PRMT8: variants seen among roughly 807,000 people sequenced by gnomAD.
PRMT8 encodes the protein protein arginine N-methyltransferase 8.
In PRMT8, 7 loss-of-function variants were observed where a neutral mutation model predicts 47.1. That is an observed-to-expected ratio of 0.15 (90% CI 0.08 to 0.28). The LOEUF (loss-of-function observed/expected upper bound fraction) is 0.28, where lower values mean the gene tolerates loss of function less well. Among genes scored for constraint, PRMT8 ranks in the 10% least tolerant of loss-of-function variants. The pLI is 1.00. For synonymous variants in PRMT8, 188 were observed against 186.5 expected, an observed-to-expected ratio of 1.01 and a Z score of -0.07; for missense variants, 237 against 505.4, an observed-to-expected ratio of 0.47 and a Z score of 5.09.
intron 1 of PRMT8, chr12:3,463,704 C>T (rs1865062309): frequency 6.6e-6 from 1 of 152,256 alleles, no homozygotes; most frequent in South Asian, 2.1e-4. Flanking sequence ...AGCAATCCTC[C>T]TGCCTCAGCT....
At position 3,403,270 on chromosome 12, in the gene PRMT8, G is replaced by A. The variant is rs530550111; in HGVS notation, c.48+21828G>A. On this transcript the variant is annotated intron_variant, in intron 1 of 9. Transcript: ENST00000452611. ...CTTATAAGTGGGAGCTGAATGATGA[G>A]AACACATGGACACATGAGGGGAACA... Among the ~76,000 whole-genome samples, 19 of 152,210 alleles carry A rather than the reference G, an allele frequency of 1.2e-4. No homozygotes were observed. The South Asian group carries it at 3.3e-3, about 27-fold the overall frequency.
intron 1 of PRMT8, among the ~76,000 whole-genome samples, chr12:3,457,166 G>A (rs912910970): frequency 2.6e-5 from 4 of 152,206 alleles, no homozygotes; most frequent in Non-Finnish European, 4.4e-5. Context: ...CTCTGTGAGG[G>A]CAGGCTTGGT....
At chr12:3,578,951 C>T (rs1335594687) in intron 7 of PRMT8, among the ~76,000 whole-genome samples, 1 of 152,156 alleles carries the variant, frequency 6.6e-6, no homozygotes, top group Non-Finnish European at 1.5e-5. Context: ...ACTCTCCATT[C>T]ACAGGGTTCT....
rs3832860 is a variant in PRMT8, at chr12:3,592,208, TCCC to T, written c.980-21_980-19del. On this transcript the variant is annotated intron_variant, in intron 8 of 9. Transcript: ENST00000382622. ...TCGTCTCTGACTCTTTCTTCCCACC[TCCC>T]CTGTTCTCTCACCCCTCAGCCCCTG... 6.5e-7 allele frequency: 1 copy of T among 1,541,932 alleles called. No individual in the cohort carries two copies. Among genetic ancestry groups the T allele is most frequent in the East Asian group, 2.5e-5 (1 of 40,378 alleles).
At chr12:3,414,071 G>A (rs58651258) in intron 1 of PRMT8, among the ~76,000 whole-genome samples, 44,060 of 151,976 alleles carry the variant, frequency 0.29, 6,973 homozygotes, top group Non-Finnish European at 0.35. Flanking sequence ...TTGGAATATA[G>A]GTGAGTTACT....
At chr12:3,517,079 A>C (rs1865804681) in intron 1 of PRMT8, among the ~76,000 whole-genome samples, 1 of 152,212 alleles carries the variant, frequency 6.6e-6, no homozygotes, top group South Asian at 2.1e-4. Flanking sequence ...ATCAATAGGC[A>C]ACGTCCAGGA....
In PRMT8 at chr12:3,557,906, C is replaced by T. The variant is rs537096012; in HGVS notation, c.481+4192C>T. Among the ~76,000 whole-genome samples, 3 of 152,218 alleles carry T rather than the reference C, an allele frequency of 2.0e-5. No homozygotes were observed. The East Asian group carries it at 5.8e-4, about 29-fold the overall frequency. On this transcript the variant is annotated intron_variant, in intron 4 of 9. Coordinates refer to ENST00000382622, the MANE Select transcript of PRMT8 (RefSeq NM_019854.5). This position sits in a 1 kb window ranked among gnomAD's most constrained non-coding sequence, Gnocchi z 4.7. Reference sequence around the variant, plus strand: ...TGAGCCCTGAGAGGCTTCCAAACAGCACCTAGACCATTCCCCTCCCTCTGC... The same window carrying T: ...TGAGCCCTGAGAGGCTTCCAAACAGTACCTAGACCATTCCCCTCCCTCTGC...
chr12:3,540,797 G>C lies in PRMT8; in HGVS notation c.261+6G>C, dbSNP rs375359537. On this transcript the variant is annotated splice_donor_region_variant and intron_variant, in intron 2 of 9. Coordinates refer to ENST00000382622, the MANE Select transcript of PRMT8 (RefSeq NM_019854.5). Reference sequence around the variant, plus strand: ...CCCACTTTGGGATCCACGAGGTAAAGTGTCCCGAGTGGGTGGCTAATGGGG... The same window carrying C: ...CCCACTTTGGGATCCACGAGGTAAACTGTCCCGAGTGGGTGGCTAATGGGG... 41 of 1,612,290 alleles carry C rather than the reference G, an allele frequency of 2.5e-5. 1 individual carries two copies. The highest frequency in any genetic ancestry group is 2.5e-4 in the East Asian group (11 of 44,894).
intron 1 of PRMT8, among the ~76,000 whole-genome samples, chr12:3,445,201 T>G (rs1864845019): frequency 6.6e-6 from 1 of 152,214 alleles, no homozygotes. Flanking sequence ...TCGTCACTAT[T>G]TAAACAAAAC....
intron 1 of PRMT8, among the ~76,000 whole-genome samples, chr12:3,470,961 G>A (rs1438355995): frequency 1.3e-5 from 2 of 152,192 alleles, no homozygotes; most frequent in Non-Finnish European, 2.9e-5. Flanking sequence ...CTCTGACAGT[G>A]GGGCTTTCCT....
intron 1 of PRMT8, among the ~76,000 whole-genome samples, chr12:3,421,895 G>A (rs965571525): frequency 1.9e-4 from 29 of 152,240 alleles, no homozygotes. Flanking sequence ...TCTCTCTGCT[G>A]CTGCAGGGAA....
At position 3,535,403 on chromosome 12, in the gene PRMT8, G is replaced by C. The variant is rs1357302768; in HGVS notation, c.76-5203G>C. 6.6e-6 allele frequency among the ~76,000 whole-genome samples: 1 copy of C among 152,228 alleles called. No individual in the cohort carries two copies. The highest frequency in any genetic ancestry group is 1.5e-5 in the Non-Finnish European group (1 of 68,044). ...TTGGGGGAGTCCTGATCAGCCGCTG[G>C]CGTGGTGAGTCGAAGGCAAATCACA... On this transcript the variant is annotated intron_variant, in intron 1 of 9. Transcript: ENST00000382622. This position sits in a 1 kb window ranked among gnomAD's most constrained non-coding sequence, Gnocchi z 4.7.
chr12:3,546,016 T>C (rs76937102), intron 2 of PRMT8, among the ~76,000 whole-genome samples: 1,797 of 152,278 alleles, frequency 0.012, 42 homozygotes, highest in African/African-American at 0.041. Context: ...TCACAATGAA[T>C]TGAATTAGAA....
chr12:3,554,852 G>C (rs1257769469), intron 4 of PRMT8, among the ~76,000 whole-genome samples: 2 of 152,204 alleles, frequency 1.3e-5, no homozygotes, highest in African/African-American at 4.8e-5. Context: ...CCCTTGCCAT[G>C]CTCCCTGCTG....
At chr12:3,432,094 A>G (rs1329889373) in intron 1 of PRMT8, among the ~76,000 whole-genome samples, 2 of 152,180 alleles carry the variant, frequency 1.3e-5, no homozygotes, top group Non-Finnish European at 2.9e-5. Context: ...GAGACGTGGG[A>G]TCCCTTCTCA....
intron 1 of PRMT8, among the ~76,000 whole-genome samples, chr12:3,524,543 G>T (rs1197292163): frequency 1.3e-5 from 2 of 150,760 alleles, no homozygotes; most frequent in African/African-American, 4.9e-5. Flanking sequence ...TTATCAGCCT[G>T]CCCAGCTACT....
chr12:3,540,481 C>T, intron 1 of PRMT8, 125 bp from the exon 2 acceptor site: 1 of 669,342 alleles, frequency 1.5e-6, no homozygotes, highest in Non-Finnish European at 2.6e-6. Flanking sequence ...ACCTCCCTTT[C>T]AGGAAGGGCT....
intron 2 of PRMT8, among the ~76,000 whole-genome samples, chr12:3,549,320 T>C (rs1866377977): frequency 6.6e-6 from 1 of 152,170 alleles, no homozygotes; most frequent in Non-Finnish European, 1.5e-5. Flanking sequence ...CCCAATACTT[T>C]TGATGATGAA....
At chr12:3,578,026 A>G (rs144275066) in intron 7 of PRMT8, among the ~76,000 whole-genome samples, 47 of 152,290 alleles carry the variant, frequency 3.1e-4, no homozygotes, top group African/African-American at 1.1e-3. Flanking sequence ...TTTGCATTAT[A>G]TATGCTAATA....
Sources: allele counts gnomAD v4.1 joint callset (sites outside exome capture counted in the v4.1 genomes callset), GRCh38; gene constraint gnomAD v4.1.1; non-coding constraint Gnocchi (gnomAD v3.1); transcripts MANE v1.5; gene names NCBI Gene and HGNC (gene_info 2026-07-23, HGNC 2026-07-21).